Variants in IRAG1 observed in about 807,000 individuals in gnomAD.
IRAG1 encodes inositol 1,4,5-triphosphate receptor associated 1.
Under a neutral mutation model 106.2 loss-of-function variants are expected in IRAG1, and 62 were observed. That is an observed-to-expected ratio of 0.58 (90% confidence interval 0.48 to 0.72). IRAG1 has a LOEUF of 0.72. IRAG1 is among the 30% of genes least tolerant of loss of function. The pLI is 0.00. For missense variants in IRAG1, 1,064 were observed against 1,140.7 expected, an observed-to-expected ratio of 0.93 and a Z score of 0.97; for synonymous variants, 462 against 443.9, an observed-to-expected ratio of 1.04 and a Z score of -0.51.
Position 10,627,969 on chromosome 11 carries a change from T to C in IRAG1, c.705+4A>G. On this transcript the variant is annotated splice_donor_region_variant and intron_variant, in intron 7 of 20. Coordinates refer to ENST00000423302, the MANE Select transcript of IRAG1 (RefSeq NM_130385.4). ...ACAGCACAGCAGGTGGGGGGTCCTGTCACCTGTGGTGGTGCTCCAGGCAGA... is the reference window on the plus strand; with the variant it reads ...ACAGCACAGCAGGTGGGGGGTCCTGCCACCTGTGGTGGTGCTCCAGGCAGA... 6.2e-7 allele frequency: 1 copy of C among 1,603,650 alleles called. No homozygotes were observed. Among genetic ancestry groups the C allele is most frequent in the Non-Finnish European group, 8.5e-7 (1 of 1,173,096 alleles).
rs193122367 is a variant in IRAG1, at chr11:10,590,969, G to C, written c.2240+579C>G. 3.2e-3 allele frequency among the ~76,000 whole-genome samples: 487 copies of C among 152,272 alleles called. 4 individuals are homozygous for C. Among genetic ancestry groups the C allele is most frequent in the Non-Finnish European group, 6.1e-3 (414 of 68,020 alleles). On this transcript the variant is annotated intron_variant, in intron 18 of 20. Coordinates refer to ENST00000423302, the MANE Select transcript of IRAG1 (RefSeq NM_130385.4). Reference sequence around the variant, plus strand: ...TCCCAAAGTGATTCTTTTAGAAAGGGACTTCCTTCCAGATTTGTCAATGAG... The same window carrying C: ...TCCCAAAGTGATTCTTTTAGAAAGGCACTTCCTTCCAGATTTGTCAATGAG...
rs79074525 is a variant in IRAG1, at chr11:10,612,174, C to T, written c.1448-2323G>A. Among the ~76,000 whole-genome samples, 1,374 of 152,264 alleles carry T rather than the reference C, an allele frequency of 9.0e-3. 18 individuals are homozygous for T. Among genetic ancestry groups the T allele is most frequent in the African/African-American group, 0.031 (1,298 of 41,528 alleles). ...TCCTTGGATTTGCCGTTTTTTCCTT[C>T]CTTTCTTAGCAGAGGAGTAGCCGTT... is the stretch of plus-strand genomic sequence containing the variant. On this transcript the variant is annotated intron_variant, in intron 10 of 20. Transcript: ENST00000423302.
intron 10 of IRAG1, 71 bp downstream of exon 10, chr11:10,623,707 A>G (rs1591627479): frequency 7.1e-7 from 1 of 1,411,060 alleles, no homozygotes; most frequent in East Asian, 2.3e-5. Flanking sequence ...GTGTTTACAC[A>G]TTCACCTTCC....
intron 4 of IRAG1, 59 bp from the exon 5 acceptor site, chr11:10,629,770 T>C: frequency 6.5e-7 from 1 of 1,539,114 alleles, no homozygotes; most frequent in Non-Finnish European, 8.8e-7. Context: ...CAGGCTGAGG[T>C]CATGCCATAC....
intron 2 of IRAG1, among the ~76,000 whole-genome samples, chr11:10,641,740 G>A (rs1857527172): frequency 6.6e-6 from 1 of 152,214 alleles, no homozygotes; most frequent in Non-Finnish European, 1.5e-5. Context: ...GAGGAAACGA[G>A]AAGATGAAAG....
At chr11:10,669,001 T>A (rs181057572) in intron 1 of IRAG1, among the ~76,000 whole-genome samples, 20 of 152,238 alleles carry the variant, frequency 1.3e-4, no homozygotes, top group African/African-American at 4.8e-4. Flanking sequence ...ATATTTCCCC[T>A]GATAGAGAGG....
chr11:10,630,033 A>G (rs1437356203), intron 4 of IRAG1: 5 of 286,428 alleles, frequency 1.7e-5, no homozygotes, highest in Non-Finnish European at 2.6e-5. Context: ...CCCCCAGTGC[A>G]TTCTTGCTTC....
At chr11:10,603,755 C>T (rs1854239484) in intron 13 of IRAG1, among the ~76,000 whole-genome samples, 2 of 151,968 alleles carry the variant, frequency 1.3e-5, no homozygotes, top group African/African-American at 4.8e-5. Context: ...AGAGTGGAGC[C>T]CCACGAATGG....
At chr11:10,614,670 T>C (rs1292164367) in intron 10 of IRAG1, among the ~76,000 whole-genome samples, 3 of 152,146 alleles carry the variant, frequency 2.0e-5, no homozygotes, top group Non-Finnish European at 4.4e-5. Flanking sequence ...TTGACAAACC[T>C]GACAAAAACA....
intron 1 of IRAG1, among the ~76,000 whole-genome samples, chr11:10,664,163 G>A (rs1303261730): frequency 1.3e-5 from 2 of 152,146 alleles, no homozygotes; most frequent in Non-Finnish European, 2.9e-5. Context: ...GCCCCTCTCC[G>A]AGGAACTGGA....
At chr11:10,669,512 C>T (rs1362052581) in intron 1 of IRAG1, among the ~76,000 whole-genome samples, 1 of 152,228 alleles carries the variant, frequency 6.6e-6, no homozygotes, top group Non-Finnish European at 1.5e-5. Flanking sequence ...CTCATTTCTA[C>T]TGCCTTTTCT....
At chr11:10,603,459 A>G (rs987069003) in intron 13 of IRAG1, among the ~76,000 whole-genome samples, 2 of 152,110 alleles carry the variant, frequency 1.3e-5, no homozygotes, top group African/African-American at 4.8e-5. Context: ...TCGCATGCAC[A>G]GTTTACAATA....
At chr11:10,651,348 T>C (rs12421547) in intron 2 of IRAG1, among the ~76,000 whole-genome samples, 4,356 of 152,350 alleles carry the variant, frequency 0.029, 83 homozygotes, top group Middle Eastern at 0.068. Flanking sequence ...AATTAGGTGC[T>C]GTAAAGTAAA....
At chr11:10,667,348 T>C (rs1014739331) in intron 1 of IRAG1, among the ~76,000 whole-genome samples, 11 of 151,956 alleles carry the variant, frequency 7.2e-5, no homozygotes, top group Admixed American at 7.2e-4. Flanking sequence ...CTGGCTGGGG[T>C]ATGGCTGGCA....
In IRAG1 at chr11:10,600,967, C is replaced by T; in HGVS notation, c.1968G>A (p.Glu656=). ...AATTCTGATTTGCAAGCTTTTTAAA[C>T]TCCATGAGCTCCGCATGGTCCTTCT... ...TYEKDHAELM[E]FKKLANQNSS... The change falls in exon 15 of 21, where the codon GAG becomes GAA. Residue 656 remains glutamate, a synonymous_variant. Coordinates refer to ENST00000423302, the MANE Select transcript of IRAG1 (RefSeq NM_130385.4). 2 of 1,614,100 alleles carry T rather than the reference C, an allele frequency of 1.2e-6. No individual in the cohort carries two copies. The highest frequency in any genetic ancestry group is 3.3e-5 in the Admixed American group (2 of 60,030).
intron 1 of IRAG1, chr11:10,687,795 G>T: frequency 7.8e-7 from 1 of 1,289,176 alleles, no homozygotes; most frequent in Non-Finnish European, 1.0e-6. Flanking sequence ...GGAACAGACA[G>T]GGGCTAGAAA....
rs1272676143 is a variant in IRAG1, at chr11:10,600,911, T to C, written c.2017+7A>G. The C allele has an allele frequency of 6.2e-7, 1 of 1,614,006 alleles. No individual in the cohort carries two copies. Among genetic ancestry groups the C allele is most frequent in the Non-Finnish European group, 8.5e-7 (1 of 1,179,870 alleles). ...GGCCAAGATGGGGCAGGAGCCTAGG[T>C]CCTTACCAGAGGGGCCACAGCTGCG... is the stretch of plus-strand genomic sequence containing the variant. On this transcript the variant is annotated splice_region_variant and intron_variant, in intron 15 of 20. Coordinates refer to ENST00000423302, the MANE Select transcript of IRAG1 (RefSeq NM_130385.4).
chr11:10,685,584 G>A (rs563367011), intron 1 of IRAG1, among the ~76,000 whole-genome samples: 1 of 152,084 alleles, frequency 6.6e-6, no homozygotes, highest in East Asian at 1.9e-4. Context: ...AGCCAGGTGA[G>A]GTAGTATATG....
intron 9 of IRAG1, among the ~76,000 whole-genome samples, chr11:10,624,933 C>T (rs1013656212): frequency 1.3e-5 from 2 of 152,174 alleles, no homozygotes; most frequent in Non-Finnish European, 1.5e-5. Context: ...GCTAGAGATC[C>T]GGGACTGTGG....
Sources: gnomAD v4.1 joint callset for allele counts (sites outside exome capture counted in the v4.1 genomes callset) on GRCh38, gnomAD v4.1.1 for gene constraint, MANE v1.5 for transcripts, NCBI Gene and HGNC (gene_info 2026-07-23, HGNC 2026-07-21) for gene names.